Variants in TMCC1 observed in about 807,000 individuals in gnomAD.
TMCC1 encodes the protein transmembrane and coiled-coil domains protein 1.
In TMCC1, 15 loss-of-function variants were observed where a neutral mutation model predicts 52.4. The ratio of observed to expected loss-of-function variants is 0.29; its 90% confidence interval spans 0.19 to 0.44. TMCC1 has a LOEUF of 0.44. Among genes scored for constraint, TMCC1 ranks in the 20% least tolerant of loss-of-function variants. The pLI, the probability that TMCC1 is intolerant of heterozygous loss-of-function variation, is 1.00. For missense variants in TMCC1, 503 were observed against 806.0 expected (o/e 0.62, Z 4.55); for synonymous variants, 279 against 301.9 (o/e 0.92, Z 0.79).
At chr3:129,820,228 T>C (rs998384203) in intron 4 of TMCC1, among the ~76,000 whole-genome samples, 4 of 151,478 alleles carry the variant, frequency 2.6e-5, no homozygotes, top group Admixed American at 6.6e-5. Flanking sequence ...TGTGTAAACA[T>C]GGTAAGTCAT....
intron 4 of TMCC1, among the ~76,000 whole-genome samples, chr3:129,732,635 AT>A (rs1467382714): frequency 6.6e-6 from 1 of 152,114 alleles, no homozygotes; most frequent in Non-Finnish European, 1.5e-5. Flanking sequence ...CAGCCATACA[AT>A]TTCCATAATA....
At chr3:129,881,499 T>C (rs1371450865) in intron 1 of TMCC1, among the ~76,000 whole-genome samples, 3 of 151,730 alleles carry the variant, frequency 2.0e-5, no homozygotes, top group Non-Finnish European at 4.4e-5. Flanking sequence ...AGAATAATCA[T>C]ATAAAAAAAA....
chr3:129,716,496 A>G (rs1576559447), intron 4 of TMCC1, among the ~76,000 whole-genome samples: 2 of 141,848 alleles, frequency 1.4e-5, no homozygotes, highest in Non-Finnish European at 3.0e-5. Context: ...CACCACACCC[A>G]GCTAATTTTT....
intron 2 of TMCC1, among the ~76,000 whole-genome samples, chr3:129,834,842 CG>C (rs1329498333): frequency 6.6e-6 from 1 of 152,162 alleles, no homozygotes; most frequent in African/African-American, 2.4e-5. Flanking sequence ...CAGCTGGAAA[CG>C]TATTACGAGT....
At chr3:129,719,392 A>G (rs987749052) in intron 4 of TMCC1, among the ~76,000 whole-genome samples, 1 of 152,142 alleles carries the variant, frequency 6.6e-6, no homozygotes, top group African/African-American at 2.4e-5. Flanking sequence ...TGCATCCTTT[A>G]TAATAGGCCA....
intron 2 of TMCC1, chr3:129,848,471 C>G (rs189514087): frequency 1.9e-4 from 29 of 152,290 alleles, no homozygotes; most frequent in Admixed American, 1.6e-3. Flanking sequence ...TTCTATTTAA[C>G]CCCTTCTCCT....
At chr3:129,656,956 G>A (rs2086704875) in intron 5 of TMCC1, among the ~76,000 whole-genome samples, 1 of 152,160 alleles carries the variant, frequency 6.6e-6, no homozygotes, top group African/African-American at 2.4e-5. Flanking sequence ...GTCTTTTCGT[G>A]ACTGTCCTAT....
chr3:129,745,372 A>G lies in TMCC1; in HGVS notation c.577-74108T>C, dbSNP rs4434141. Reference sequence around the variant, plus strand: ...ATAACACCAACAGCTTCTCAGCCACAGTGCTAAACTGAGCGCTTCACTCCG... The same window carrying G: ...ATAACACCAACAGCTTCTCAGCCACGGTGCTAAACTGAGCGCTTCACTCCG... On this transcript the variant is annotated intron_variant, in intron 4 of 6. Transcript: ENST00000393238. Among the ~76,000 whole-genome samples, 395 of 152,352 alleles carry G rather than the reference A, an allele frequency of 2.6e-3. 8 individuals are homozygous for G. The East Asian group carries it at 0.056, about 21-fold the overall frequency.
intron 4 of TMCC1, among the ~76,000 whole-genome samples, chr3:129,687,333 G>A (rs1332996685): frequency 1.3e-5 from 2 of 152,148 alleles, no homozygotes; most frequent in African/African-American, 4.8e-5. Flanking sequence ...CCAACTTAAA[G>A]CAAGGTGATT....
chr3:129,823,879 C>T (rs780567024), intron 4 of TMCC1, among the ~76,000 whole-genome samples: 1 of 152,120 alleles, frequency 6.6e-6, no homozygotes, highest in Non-Finnish European at 1.5e-5. Context: ...GAAATTAGGT[C>T]ACATACTATA....
chr3:129,778,685 C>G (rs2055255055), intron 4 of TMCC1, among the ~76,000 whole-genome samples: 1 of 116,920 alleles, frequency 8.6e-6, no homozygotes, highest in Non-Finnish European at 1.8e-5. Context: ...GGGGGGGGGG[C>G]AGTCTCCCCA....
rs530246857 is a variant in TMCC1, at chr3:129,784,836, T to C, written c.576+42967A>G. ...AAAATTAGCCAGGCATGGTGGTGCA[T>C]GCCTGTAGTCCCAGCTACTTGAGAG... On this transcript the variant is annotated intron_variant, in intron 4 of 6. Coordinates refer to ENST00000393238, the MANE Select transcript of TMCC1 (RefSeq NM_001017395.5). Among the ~76,000 whole-genome samples the C allele has an allele frequency of 2.6e-5, 4 of 152,028 alleles. No individual in the cohort carries two copies. The South Asian group carries it at 8.3e-4, about 32-fold the overall frequency.
chr3:129,674,578 A>G (rs1177593992), intron 4 of TMCC1, among the ~76,000 whole-genome samples: 1 of 152,132 alleles, frequency 6.6e-6, no homozygotes, highest in Non-Finnish European at 1.5e-5. Flanking sequence ...AGGAAGAAGA[A>G]GAGTGGGGTG....
chr3:129,781,595 C>A (rs1176787471), intron 4 of TMCC1, among the ~76,000 whole-genome samples: 1 of 152,110 alleles, frequency 6.6e-6, no homozygotes, highest in African/African-American at 2.4e-5. Flanking sequence ...AGGAAGCTAG[C>A]AAAGAACAGC....
At chr3:129,691,432 T>C (rs1036009164) in intron 4 of TMCC1, among the ~76,000 whole-genome samples, 10 of 151,998 alleles carry the variant, frequency 6.6e-5, no homozygotes, top group Admixed American at 2.6e-4. Flanking sequence ...TTTTGACCCG[T>C]GGCTAAAAAG....
Position 129,877,947 on chromosome 3 carries a change from GTTTTTA to G in TMCC1, c.-184+2356_-184+2361del, listed in dbSNP as rs1234882638. ...CACCGTGACCAGCTTTTTTTTTAATGTTTTTATTTTTATTTTTATTTTTTTTTTGAG... is the reference window on the plus strand; with the variant it reads ...CACCGTGACCAGCTTTTTTTTTAATGTTTTTATTTTTATTTTTTTTTTGAG... On this transcript the variant is annotated intron_variant, in intron 2 of 6. Coordinates refer to ENST00000393238, the MANE Select transcript of TMCC1 (RefSeq NM_001017395.5). Among the ~76,000 whole-genome samples the G allele has an allele frequency of 1.2e-4, 17 of 146,882 alleles. 1 individual carries two copies. The highest frequency in any genetic ancestry group is 8.7e-4 in the South Asian group (4 of 4,622).
chr3:129,845,772 C>G (rs1232333382), intron 2 of TMCC1, among the ~76,000 whole-genome samples: 1 of 152,102 alleles, frequency 6.6e-6, no homozygotes, highest in Non-Finnish European at 1.5e-5. Context: ...CATGAAATAT[C>G]AGGTAAAATA....
chr3:129,797,195 A>G (rs955055097), intron 4 of TMCC1, among the ~76,000 whole-genome samples: 6 of 152,104 alleles, frequency 3.9e-5, no homozygotes, highest in Non-Finnish European at 8.8e-5. Context: ...GTGTGCTGGC[A>G]GGCACCTGTA....
chr3:129,793,530 G>A (rs2056614762), intron 4 of TMCC1, among the ~76,000 whole-genome samples: 1 of 152,124 alleles, frequency 6.6e-6, no homozygotes, highest in Non-Finnish European at 1.5e-5. Flanking sequence ...TTTTTAAATG[G>A]AGCTTTTAAA....
Sources: gnomAD v4.1 joint callset for allele counts (sites outside exome capture counted in the v4.1 genomes callset) on GRCh38, gnomAD v4.1.1 for gene constraint, MANE v1.5 for transcripts, NCBI Gene and HGNC (gene_info 2026-07-23, HGNC 2026-07-21) for gene names.